TUT4: variants seen among roughly 807,000 people sequenced by gnomAD.
The protein encoded by TUT4 is terminal uridylyl transferase 4, also known as terminal uridylyltransferase 4.
A neutral mutation model predicts 192.2 loss-of-function variants in TUT4; 36 were observed. The ratio of observed to expected loss-of-function variants is 0.19; its 90% confidence interval spans 0.14 to 0.25. The LOEUF is 0.25. Ranked by LOEUF, TUT4 falls within the 10% of genes least tolerant of loss-of-function variation. TUT4 has a pLI of 1.00. For synonymous variants in TUT4, 618 were observed against 666.0 expected, an observed-to-expected ratio of 0.93 and a Z score of 1.11; for missense variants, 1,493 against 1,957.2, an observed-to-expected ratio of 0.76 and a Z score of 4.47.
At chr1:52,465,785 G>A (rs921010887) in intron 15 of TUT4, among the ~76,000 whole-genome samples, 1 of 152,078 alleles carries the variant, frequency 6.6e-6, no homozygotes, top group Non-Finnish European at 1.5e-5. Flanking sequence ...ATTATGATAG[G>A]GTTAACCCTT....
At chr1:52,484,504 C>T (rs1669303602) in intron 9 of TUT4, among the ~76,000 whole-genome samples, 1 of 152,092 alleles carries the variant, frequency 6.6e-6, no homozygotes, top group Non-Finnish European at 1.5e-5. Context: ...TCTAGGTATC[C>T]TATCATAGTA....
At chr1:52,467,959 G>A (rs1664688083) in intron 15 of TUT4, among the ~76,000 whole-genome samples, 1 of 152,074 alleles carries the variant, frequency 6.6e-6, no homozygotes, top group Admixed American at 6.5e-5. Flanking sequence ...TTAACAGCAT[G>A]TATTATTTGC....
chr1:52,517,230 T>G (rs547678321), intron 2 of TUT4, among the ~76,000 whole-genome samples: 7 of 152,344 alleles, frequency 4.6e-5, no homozygotes, highest in Non-Finnish European at 8.8e-5. Context: ...ATCTGTCCCC[T>G]ACATTAGATG....
chr1:52,437,126 CCTG>C (rs1654032280), intron 25 of TUT4, 148 bp from the exon 26 acceptor site: 1 of 1,099,296 alleles, frequency 9.1e-7, no homozygotes, highest in East Asian at 2.7e-5. Flanking sequence ...TTATGGCACA[CCTG>C]CTCATTTGGC....
In TUT4 at chr1:52,477,803, T is replaced by C. The variant is rs1463704996; in HGVS notation, c.1928A>G (p.Asp643Gly). 3.7e-6 allele frequency: 6 copies of C among 1,613,966 alleles called. No homozygotes were observed. In the South Asian group the frequency reaches 6.6e-5, roughly 18 times the overall value. Residue 643 changes from aspartate to glycine, a missense_variant, in exon 12 of 30, where the codon GAT becomes GGT. Asp to Gly is a moderately conservative substitution (Grantham distance 94). Coordinates refer to ENST00000257177, the MANE Select transcript of TUT4 (RefSeq NM_001009881.3). ...TATGACATATTCCTCCAAAGCAAAATCCAGTGTGTAGAATTTAAGCAGCTC... is the reference window on the plus strand; with the variant it reads ...TATGACATATTCCTCCAAAGCAAAACCCAGTGTGTAGAATTTAAGCAGCTC... ...WLELLKFYTL[D>G]FALEEYVICV...
At chr1:52,467,376 C>A (rs563965624) in intron 15 of TUT4, among the ~76,000 whole-genome samples, 4 of 152,246 alleles carry the variant, frequency 2.6e-5, no homozygotes, top group African/African-American at 9.6e-5. Context: ...TATATAGGAC[C>A]ACCTACTGTA....
intron 20 of TUT4, among the ~76,000 whole-genome samples, chr1:52,456,103 G>A (rs916190081): frequency 2.0e-5 from 3 of 151,972 alleles, no homozygotes; most frequent in Non-Finnish European, 4.4e-5. Context: ...GTATTACTGA[G>A]CACTAAAAAG....
intron 15 of TUT4, 69 bp from the exon 16 acceptor site, chr1:52,465,242 G>A (rs1291251400): frequency 9.6e-7 from 1 of 1,043,778 alleles, no homozygotes; most frequent in Non-Finnish European, 1.4e-6. Context: ...GCTATCTGCT[G>A]ATGACCTAAT....
At chr1:52,483,676 G>A (rs1669068388) in intron 9 of TUT4, among the ~76,000 whole-genome samples, 1 of 152,064 alleles carries the variant, frequency 6.6e-6, no homozygotes, top group African/African-American at 2.4e-5. Flanking sequence ...CAGGCACAGT[G>A]GCAGGCACCT....
chr1:52,458,903 GCACTATTTTAA>G (rs1661698172), intron 19 of TUT4, among the ~76,000 whole-genome samples: 1 of 151,916 alleles, frequency 6.6e-6, no homozygotes, highest in African/African-American at 2.4e-5. Context: ...TTTAATTGCA[GCACTATTTTAA>G]TAGCAAAAAA....
intron 4 of TUT4, among the ~76,000 whole-genome samples, chr1:52,504,520 C>A (rs1231295314): frequency 6.6e-6 from 1 of 152,078 alleles, no homozygotes; most frequent in Non-Finnish European, 1.5e-5. Flanking sequence ...ATCCCAGCTA[C>A]TCGGGAGGCT....
chr1:52,424,042 G>A (rs1468397515), intron 29 of TUT4, 40 bp from the exon 30 acceptor site: 11 of 1,576,912 alleles, frequency 7.0e-6, no homozygotes, highest in Non-Finnish European at 4.3e-6. Flanking sequence ...AAAGGCTTGT[G>A]CCTGTTTATC....
At chr1:52,468,421 G>C in intron 14 of TUT4, 154 bp from the exon 15 acceptor site, 1 of 560,206 alleles carries the variant, frequency 1.8e-6, no homozygotes, top group Non-Finnish European at 3.0e-6. Context: ...TACTGGGGAA[G>C]GGTCTGGGAG....
chr1:52,436,709 A>G (rs752075573), intron 26 of TUT4, 46 bp downstream of exon 26: 1 of 1,609,316 alleles, frequency 6.2e-7, no homozygotes, highest in Non-Finnish European at 8.5e-7. Flanking sequence ...AGCAACATAA[A>G]TGACTTCGTT....
At chr1:52,547,173 G>A (rs922740434) in intron 1 of TUT4, among the ~76,000 whole-genome samples, 1 of 148,426 alleles carries the variant, frequency 6.7e-6, no homozygotes, top group Admixed American at 6.9e-5. Flanking sequence ...AAAAGTGGGG[G>A]CATCTAGTAT....
At chr1:52,541,886 T>C (rs1183406046) in intron 1 of TUT4, among the ~76,000 whole-genome samples, 3 of 152,194 alleles carry the variant, frequency 2.0e-5, no homozygotes, top group Non-Finnish European at 4.4e-5. Flanking sequence ...GAAACAGGTA[T>C]TTGAACATCA....
Position 52,496,987 on chromosome 1 carries a change from A to G in TUT4, c.1177+19T>C, listed in dbSNP as rs1251598922. On this transcript the variant is annotated intron_variant, in intron 5 of 29. Transcript: ENST00000257177. ...AGAGTTTTGTGATTTTCAAAATCAA[A>G]TATGAAATGTATTTCTACCTGGTAA... 1.9e-5 allele frequency: 30 copies of G among 1,606,786 alleles called. No homozygotes were observed. The highest frequency in any genetic ancestry group is 2.5e-5 in the Non-Finnish European group (29 of 1,177,614).
intron 28 of TUT4, among the ~76,000 whole-genome samples, chr1:52,427,064 C>T (rs1490169939): frequency 6.6e-6 from 1 of 152,000 alleles, no homozygotes; most frequent in Admixed American, 6.6e-5. Context: ...AGGAACATGG[C>T]AGGCTACTAA....
chr1:52,463,413 G>A lies in TUT4; in HGVS notation c.3070-1644C>T, dbSNP rs1020693738. The stretch of plus-strand genomic sequence containing the variant: ...AAAACAAGATGTTAAGACACCAGAA[G>A]CAACTTCTTATGGCCAGAAGTTAAG... On this transcript the variant is annotated intron_variant, in intron 16 of 29. Transcript: ENST00000257177. The A allele has an allele frequency of 1.5e-5, 15 of 1,013,872 alleles. No individual in the cohort carries two copies. The Admixed American group carries it at 4.4e-4, about 30-fold the overall frequency. The allele number at this position is 1,013,872 out of a possible 1,614,324, so 62.8% of individuals were successfully genotyped here.
Sources: allele counts gnomAD v4.1 joint callset (sites outside exome capture counted in the v4.1 genomes callset), GRCh38; gene constraint gnomAD v4.1.1; transcripts MANE v1.5; gene names NCBI Gene and HGNC (gene_info 2026-07-23, HGNC 2026-07-21).